The following SOX10 variants were observed in gnomAD, a reference collection of about 807,000 sequenced individuals.
SOX10 encodes SRY-box transcription factor 10, also known as transcription factor SOX-10.
A neutral mutation model predicts 35.0 loss-of-function variants in SOX10; 3 were observed. The observed-to-expected ratio is 0.09, with a 90% CI of 0.04 to 0.22. The LOEUF (loss-of-function observed/expected upper bound fraction) is 0.22, where lower values mean the gene tolerates loss of function less well. SOX10 is among the 10% of genes least tolerant of loss of function. The pLI is 1.00. For missense variants in SOX10, 436 were observed against 655.1 expected (o/e 0.67, Z 3.65); for synonymous variants, 285 against 291.0 (o/e 0.98, Z 0.21).
In SOX10 at chr22:37,983,640, C is replaced by T. The variant is rs1223421300; in HGVS notation, c.145G>A (p.Gly49Ser). Residue 49 changes from glycine (G) to serine (S), a missense_variant, in exon 2 of 4, where the codon GGC (glycine) becomes AGC (serine). Coordinates refer to ENST00000396884, the MANE Select transcript of SOX10 (RefSeq NM_006941.4). This position sits in a 1 kb window ranked among gnomAD's most constrained non-coding sequence, Gnocchi z 9.5. ...TCCTTCTTGACCTTGCCCAGCTCGC[C>T]TGGCCCCGGGCTGGCTCGCAGGCCC... ...GSGLRASPGP[G>S]ELGKVKKEQQ... The T allele has an allele frequency of 6.2e-7, 1 of 1,600,548 alleles. No individual in the cohort carries two copies. Among genetic ancestry groups the T allele is most frequent in the African/African-American group, 1.3e-5 (1 of 74,938 alleles).
intron 2 of SOX10, among the ~76,000 whole-genome samples, chr22:37,982,815 A>G (rs867589429): frequency 1.3e-5 from 2 of 152,140 alleles, no homozygotes; most frequent in Admixed American, 1.3e-4. Context: ...GAGCCCTAGG[A>G]TAGGATGAGG....
Position 37,973,791 on chromosome 22 carries a change from A to G in SOX10, c.1105T>C (p.Tyr369His). 1.3e-6 allele frequency: 2 copies of G among 1,596,046 alleles called. No individual in the cohort carries two copies. The highest frequency in any genetic ancestry group is 1.7e-6 in the Non-Finnish European group (2 of 1,168,764). The change falls in exon 4 of 4, where the codon TAC (tyrosine) becomes CAC (histidine). Residue 369 changes from tyrosine to histidine, a missense_variant. Tyr to His is a moderately conservative substitution (Grantham distance 83). Transcript: ENST00000396884. Reference sequence around the variant, plus strand: ...TGTGAGGTGGATGGCTGGTCGGTGTAGTGTGGGGGCCCCTGGGGCCCCGCG... The same window carrying G: ...TGTGAGGTGGATGGCTGGTCGGTGTGGTGTGGGGGCCCCTGGGGCCCCGCG... The part of the protein sequence containing the change: ...ETAGPQGPPH[Y>H]TDQPSTSQIA...
chr22:37,977,937 G>C lies in SOX10; in HGVS notation c.627C>G (p.Ser209Arg), dbSNP rs761481230. ...GTAAIQAHYK[S>R]AHLDHRHPGE... is the part of the protein sequence containing the mutation. ...CTGGGTGCCGGTGGTCCAAGTGGGC[G>C]CTCTTGTAGTGGGCCTGGATGGCGG... The change falls in exon 3 of 4, where the codon AGC becomes AGG. Residue 209 changes from serine to arginine, a missense_variant. Ser to Arg is a moderately radical substitution (Grantham distance 110). Around this residue, in one of 3 missense-constraint regions of SOX10, gnomAD observed 285 missense variants for 402.9 expected, o/e 0.71. Coordinates refer to ENST00000396884, the MANE Select transcript of SOX10 (RefSeq NM_006941.4). 6.2e-7 allele frequency: 1 copy of C among 1,612,786 alleles called. No homozygotes were observed. The highest frequency in any genetic ancestry group is 8.5e-7 in the Non-Finnish European group (1 of 1,179,900).
chr22:37,983,578 G>C lies in SOX10; in HGVS notation c.207C>G (p.Pro69=), dbSNP rs199963686. The part of the protein sequence containing the change: ...QDGEADDDKF[P]VCIREAVSQV... The stretch of plus-strand genomic sequence containing the variant: ...GGCTGACGGCCTCGCGGATGCACAC[G>C]GGGAACTTGTCATCGTCCGCCTCGC... Residue 69 remains proline (P), a synonymous_variant, in exon 2 of 4, where the codon CCC becomes CCG. Transcript: ENST00000396884. The surrounding 1 kb of genome is among the most constrained non-coding windows in gnomAD (Gnocchi z 9.5). The C allele has an allele frequency of 9.3e-6, 15 of 1,610,212 alleles. No individual in the cohort carries two copies. In the Admixed American group the frequency reaches 2.5e-4, roughly 27 times the overall value.
In SOX10 at chr22:37,974,215, CAGAG is replaced by C. The variant is rs749386806; in HGVS notation, c.698-21_698-18del. On this transcript the variant is annotated intron_variant, in intron 3 of 3. Coordinates refer to ENST00000396884, the MANE Select transcript of SOX10 (RefSeq NM_006941.4). The surrounding 1 kb of genome is among the most constrained non-coding windows in gnomAD (Gnocchi z 5.4). ...GGCTCTGGCCTGGGTAGAAGGGAGA[CAGAG>C]AGAGAGAGCGCAAGGGGGAAGCAGG... The C allele has an allele frequency of 8.2e-5, 130 of 1,582,548 alleles. No homozygotes were observed. In the East Asian group the frequency reaches 1.1e-3, roughly 13 times the overall value.
Position 37,973,326 on chromosome 22 carries a change from C to A in SOX10, c.*169G>T. On this transcript the variant is annotated 3_prime_UTR_variant, in exon 4 of 4. Transcript: ENST00000396884. The stretch of plus-strand genomic sequence containing the variant: ...CTTTGCTGCTGGAGCCTGGATGGGG[C>A]GGGTGGGTCATCAGGGCAGTGAGCC... 1.7e-6 allele frequency: 1 copy of A among 585,692 alleles called. No individual in the cohort carries two copies. The highest frequency in any genetic ancestry group is 3.0e-6 in the Non-Finnish European group (1 of 329,954). 36.3% of individuals were successfully genotyped at this position (585,692 alleles called of 1,614,324 possible). A position where few individuals can be genotyped will look rare whatever the true frequency, so the allele number is the denominator to read the frequency against.
chr22:37,982,663 G>A (rs375042975), intron 2 of SOX10, among the ~76,000 whole-genome samples: 1 of 152,070 alleles, frequency 6.6e-6, no homozygotes, highest in Non-Finnish European at 1.5e-5. Context: ...AGATGGCGCC[G>A]AACTGGGAGA....
intron 3 of SOX10, among the ~76,000 whole-genome samples, chr22:37,976,387 C>A (rs900478910): frequency 6.6e-6 from 1 of 152,292 alleles, no homozygotes; most frequent in South Asian, 2.1e-4. Flanking sequence ...TTAATTCACT[C>A]GTTTTCATCC....
chr22:37,981,235 A>G (rs1361963742), intron 2 of SOX10, among the ~76,000 whole-genome samples: 2 of 152,196 alleles, frequency 1.3e-5, no homozygotes, highest in African/African-American at 4.8e-5. Flanking sequence ...CAGGAGTCAC[A>G]GCTTGGGGAG....
At chr22:37,982,078 C>T (rs962387423) in intron 2 of SOX10, among the ~76,000 whole-genome samples, 1 of 152,218 alleles carries the variant, frequency 6.6e-6, no homozygotes, top group African/African-American at 2.4e-5. Flanking sequence ...GCTCCTCTGA[C>T]AAAGCCCTAA....
In SOX10 at chr22:37,980,704, C is replaced by T. The variant is rs559873604; in HGVS notation, c.429-2569G>A. Among the ~76,000 whole-genome samples, 1 of 152,358 alleles carries T rather than the reference C, an allele frequency of 6.6e-6. No individual in the cohort carries two copies. The highest frequency in any genetic ancestry group is 6.5e-5 in the Admixed American group (1 of 15,304). ...CTCCAAACCCAGTCCTCATCTGCAC[C>T]TTCCTGTCAGCCCTCTTTCTCCCTG... On this transcript the variant is annotated intron_variant, in intron 2 of 3. Transcript: ENST00000396884. The surrounding 1 kb of genome is among the most constrained non-coding windows in gnomAD (Gnocchi z 4.1).
Position 37,972,548 on chromosome 22 carries a change from G to GC in SOX10, c.*946_*947insG. 1 of 259,626 alleles carries GC rather than the reference G, an allele frequency of 3.9e-6. No homozygotes were observed. Among genetic ancestry groups the GC allele is most frequent in the Non-Finnish European group, 7.6e-6 (1 of 131,096 alleles). 16.1% of individuals were successfully genotyped at this position (259,626 alleles called of 1,614,324 possible). On this transcript the variant is annotated 3_prime_UTR_variant, in exon 4 of 4. Coordinates refer to ENST00000396884, the MANE Select transcript of SOX10 (RefSeq NM_006941.4). The stretch of plus-strand genomic sequence containing the variant: ...GCAGAATGTACAGGTCAGGATTCTA[G>GC]TGTCTTCAGCCTGCCGACAGCAACC...
chr22:37,982,647 C>G (rs1218197686), intron 2 of SOX10, among the ~76,000 whole-genome samples: 3 of 152,020 alleles, frequency 2.0e-5, no homozygotes, highest in Non-Finnish European at 4.4e-5. Context: ...GGGGCCCTGG[C>G]AGGGAAGATG....
intron 3 of SOX10, 101 bp downstream of exon 3, chr22:37,977,766 G>T: frequency 7.6e-7 from 1 of 1,318,060 alleles, no homozygotes; most frequent in Non-Finnish European, 1.0e-6. Context: ...TGCACAGCCT[G>T]GCACGCTCTC....
rs1932497345 is a variant in SOX10, at chr22:37,984,115, G to T, written c.-85+224C>A. 4.9e-6 allele frequency: 1 copy of T among 203,284 alleles called. No homozygotes were observed. Among genetic ancestry groups the T allele is most frequent in the Admixed American group, 6.0e-5 (1 of 16,604 alleles). 12.6% of individuals were successfully genotyped at this position (203,284 alleles called of 1,614,324 possible). A position where few individuals can be genotyped will look rare whatever the true frequency, so the allele number is the denominator to read the frequency against. Reference sequence around the variant, plus strand: ...TTTTAGCCTCCTTTTTTGGGTGGAGGTTTGTTGATGATAAGGAAGAAAAAA... The same window carrying T: ...TTTTAGCCTCCTTTTTTGGGTGGAGTTTTGTTGATGATAAGGAAGAAAAAA... On this transcript the variant is annotated intron_variant, in intron 1 of 3. Transcript: ENST00000396884. This position sits in a 1 kb window ranked among gnomAD's most constrained non-coding sequence, Gnocchi z 4.4.
At chr22:37,981,586 G>A (rs1365567406) in intron 2 of SOX10, among the ~76,000 whole-genome samples, 1 of 152,180 alleles carries the variant, frequency 6.6e-6, no homozygotes, top group Non-Finnish European at 1.5e-5. Context: ...GGAGATGGAG[G>A]GAAAATGAGG....
chr22:37,976,337 G>C (rs907944611), intron 3 of SOX10, among the ~76,000 whole-genome samples: 1 of 152,178 alleles, frequency 6.6e-6, no homozygotes, highest in Non-Finnish European at 1.5e-5. Context: ...CTGGGACTGC[G>C]GGCGCATTCC....
At chr22:37,981,656 T>C (rs1932399924) in intron 2 of SOX10, among the ~76,000 whole-genome samples, 1 of 152,098 alleles carries the variant, frequency 6.6e-6, no homozygotes, top group Non-Finnish European at 1.5e-5. Flanking sequence ...GTCCCCAGAG[T>C]CTGCCCTATC....
chr22:37,979,603 G>C (rs1007643828), intron 2 of SOX10, among the ~76,000 whole-genome samples: 2 of 152,116 alleles, frequency 1.3e-5, no homozygotes, highest in Non-Finnish European at 2.9e-5. Flanking sequence ...ATAGCAGAGA[G>C]TAGAGGAAGC....
Sources: gnomAD v4.1 joint callset for allele counts (sites outside exome capture counted in the v4.1 genomes callset) on GRCh38, gnomAD v4.1.1 for gene constraint, gnomAD v4.1.1 regional missense constraint, Gnocchi (gnomAD v3.1) non-coding constraint, MANE v1.5 for transcripts, NCBI Gene and HGNC (gene_info 2026-07-23, HGNC 2026-07-21) for gene names.